NKAP: variants seen among roughly 807,000 people sequenced by gnomAD.
NKAP encodes the protein NF-kappa-B-activating protein.
NKAP carries 4 observed loss-of-function variants against 35.6 expected under a neutral mutation model. The observed-to-expected ratio is 0.11, with a 90% CI of 0.06 to 0.26. The LOEUF is 0.26. NKAP is among the 10% of genes least tolerant of loss of function. The pLI is 1.00. For missense variants in NKAP, 238 were observed against 321.9 expected, an observed-to-expected ratio of 0.74 and a Z score of 1.99; for synonymous variants, 106 against 119.2, an observed-to-expected ratio of 0.89 and a Z score of 0.72.
chrX:119,929,081 G>A (rs142592372), intron 8 of NKAP, among the ~76,000 whole-genome samples: 1 of 109,147 alleles, frequency 9.2e-6, no homozygotes. Context: ...GTTTTTAGTA[G>A]AGAAGGGTTT....
At chrX:119,926,927 G>C (rs1401362020) in intron 8 of NKAP, among the ~76,000 whole-genome samples, 1 of 104,644 alleles carries the variant, frequency 9.6e-6, no homozygotes, top group Non-Finnish European at 2.0e-5. Flanking sequence ...TGGGTGTGGT[G>C]GTGGGCACCC....
At position 119,943,335 on chromosome X, in the gene NKAP, G is replaced by T. The variant is rs1159954039; in HGVS notation, c.271C>A (p.Pro91Thr). ...RERPSAPRGI[P>T]FASASSSVYY... The stretch of plus-strand genomic sequence containing the variant: ...ACTGACGAGGAGGCAGAAGCGAAGG[G>T]GATGCCCCGGGGCGCAGAGGGCCGC... The change falls in exon 1 of 9, where the codon CCC becomes ACC. Residue 91 changes from proline (P) to threonine (T), a missense_variant. This residue lies in a region of NKAP where 123 missense variants were observed against 115.3 expected (regional missense o/e 1.07). Transcript: ENST00000371410. The T allele has an allele frequency of 8.3e-7, 1 of 1,211,053 alleles. No individual in the cohort carries two copies. The highest frequency in any genetic ancestry group is 1.1e-6 in the Non-Finnish European group (1 of 895,376).
At chrX:119,932,306 G>A in intron 5 of NKAP, 90 bp from the exon 6 acceptor site, 1 of 580,545 alleles carries the variant, frequency 1.7e-6, no homozygotes, top group South Asian at 3.3e-5. Context: ...ATTTTGAACT[G>A]GTGACTATAC....
At chrX:119,941,759 G>A (rs897010829) in intron 1 of NKAP, among the ~76,000 whole-genome samples, 3 of 111,344 alleles carry the variant, frequency 2.7e-5, no homozygotes, top group East Asian at 5.6e-4. Context: ...CCCAGTACCT[G>A]AAATTACAAG....
At chrX:119,943,185 G>A (rs1246538646) in intron 1 of NKAP, 35 bp downstream of exon 1, 10 of 1,149,360 alleles carry the variant, frequency 8.7e-6, no homozygotes, top group Non-Finnish European at 1.2e-5. Flanking sequence ...AGGCACGTAG[G>A]CTCGTACAAG....
At chrX:119,930,839 C>CAAAAA (rs10707773) in intron 7 of NKAP, among the ~76,000 whole-genome samples, 1 of 97,402 alleles carries the variant, frequency 1.0e-5, no homozygotes, top group Non-Finnish European at 2.1e-5. Flanking sequence ...CAAAACAAAA[C>CAAAAA]AAAAAAAAAA....
chrX:119,936,443 C>G lies in NKAP; in HGVS notation c.539-12G>C. ...CTTCTTTTTTTCTTCTAAGAAAGTA[C>G]AAATTAAAAAATTATATTCTAAAAA... On this transcript the variant is annotated splice_polypyrimidine_tract_variant and intron_variant, in intron 3 of 8. Transcript: ENST00000371410. The G allele has an allele frequency of 9.1e-7, 1 of 1,099,957 alleles. No individual in the cohort carries two copies. The highest frequency in any genetic ancestry group is 1.2e-6 in the Non-Finnish European group (1 of 822,009). The allele number at this position is 1,099,957 out of a possible 1,213,427, so 90.6% of individuals were successfully genotyped here. A position where few individuals can be genotyped will look rare whatever the true frequency, so the allele number is the denominator to read the frequency against.
Position 119,931,916 on chromosome X carries a change from A to G in NKAP, c.923+20T>C. On this transcript the variant is annotated intron_variant, in intron 7 of 8. Coordinates refer to ENST00000371410, the MANE Select transcript of NKAP (RefSeq NM_024528.4). ...CTTTTTGGTAGGTACTTTAGATATTATAAACACACTGCTGCTTACTTCAAA... is the reference window on the plus strand; with the variant it reads ...CTTTTTGGTAGGTACTTTAGATATTGTAAACACACTGCTGCTTACTTCAAA... 2 of 1,142,189 alleles carry G rather than the reference A, an allele frequency of 1.8e-6. No individual in the cohort carries two copies. The highest frequency in any genetic ancestry group is 2.4e-6 in the Non-Finnish European group (2 of 846,645). The allele number at this position is 1,142,189 out of a possible 1,213,427, so 94.1% of individuals were successfully genotyped here.
chrX:119,924,128 C>T lies in NKAP; in HGVS notation c.*1092G>A, dbSNP rs1348343993. The T allele has an allele frequency of 2.7e-5, 3 of 111,206 alleles. No homozygotes were observed. Among genetic ancestry groups the T allele is most frequent in the Non-Finnish European group, 5.7e-5 (3 of 53,065 alleles). 9.2% of individuals were successfully genotyped at this position (111,206 alleles called of 1,213,427 possible). A position where few individuals can be genotyped will look rare whatever the true frequency, so the allele number is the denominator to read the frequency against. ...AGTACACAAGTCAGTTTTCAAATTC[C>T]AGATTTGCTTTTCGCAGCAATGCCT... On this transcript the variant is annotated 3_prime_UTR_variant, in exon 9 of 9. Transcript: ENST00000371410.
Position 119,943,597 on chromosome X carries a change from C to A in NKAP, c.9G>T (p.Pro3=), listed in dbSNP as rs781742658. The part of the protein sequence containing the change: MA[P]VSGSRSPDRE... ...TATCCGGGCTGCGTGAGCCGGACAC[C>A]GGAGCCATGGCTACTGGGGGGCCCC... The change falls in exon 1 of 9, where the codon CCG becomes CCT. Residue 3 remains proline, a synonymous_variant. Coordinates refer to ENST00000371410, the MANE Select transcript of NKAP (RefSeq NM_024528.4). 8.5e-7 allele frequency: 1 copy of A among 1,177,647 alleles called. No homozygotes were observed. The highest frequency in any genetic ancestry group is 1.1e-6 in the Non-Finnish European group (1 of 877,285).
chrX:119,930,819 AAAAACAAAAC>A (rs1210394209), intron 7 of NKAP, among the ~76,000 whole-genome samples: 8 of 97,743 alleles, frequency 8.2e-5, no homozygotes, highest in Non-Finnish European at 1.4e-4. Context: ...CTTTGTCTCA[AAAAACAAAAC>A]AAAACAAAAC....
At chrX:119,942,980 A>T (rs1012213013) in intron 1 of NKAP, 28 of 375,199 alleles carry the variant, frequency 7.5e-5, no homozygotes, top group Non-Finnish European at 9.1e-6. Flanking sequence ...ATTCGCTAAC[A>T]AGACAGGAGG....
chrX:119,929,226 T>A (rs2056729746), intron 8 of NKAP, among the ~76,000 whole-genome samples: 1 of 112,137 alleles, frequency 8.9e-6, no homozygotes, highest in South Asian at 3.7e-4. Context: ...CTCTAATTTC[T>A]TTTTCTTGCC....
chrX:119,928,385 CT>C (rs1177168209), intron 8 of NKAP, among the ~76,000 whole-genome samples: 1 of 111,963 alleles, frequency 8.9e-6, no homozygotes, highest in Non-Finnish European at 1.9e-5. Flanking sequence ...ATGTTTTCTT[CT>C]TATTTAGTTA....
At chrX:119,928,907 A>G (rs1375172751) in intron 8 of NKAP, among the ~76,000 whole-genome samples, 4 of 107,011 alleles carry the variant, frequency 3.7e-5, no homozygotes, top group Admixed American at 2.0e-4. Context: ...TATTATTATT[A>G]TTACTGTTTT....
chrX:119,936,730 T>C (rs1603380501), intron 2 of NKAP, 48 bp from the exon 3 acceptor site: 1 of 974,675 alleles, frequency 1.0e-6, no homozygotes, highest in Non-Finnish European at 1.4e-6. Flanking sequence ...TGATGAGATA[T>C]GGACCATGGA....
At chrX:119,925,933 T>C (rs5957273) in intron 8 of NKAP, among the ~76,000 whole-genome samples, 4 of 78,502 alleles carry the variant, frequency 5.1e-5, no homozygotes, top group Admixed American at 1.4e-4. Context: ...TTTTTTCTTT[T>C]TTTTTTTTTT....
chrX:119,943,702 G>C lies in NKAP; in HGVS notation c.-97C>G. On this transcript the variant is annotated 5_prime_UTR_variant, in exon 1 of 9. Coordinates refer to ENST00000371410, the MANE Select transcript of NKAP (RefSeq NM_024528.4). ...TTGGTTCCCGGGACCTGCCGCTGCGGAACAGCCCAAATCTGAGGAAACCTT... is the reference window on the plus strand; with the variant it reads ...TTGGTTCCCGGGACCTGCCGCTGCGCAACAGCCCAAATCTGAGGAAACCTT... The C allele has an allele frequency of 1.0e-6, 1 of 977,673 alleles. No individual in the cohort carries two copies. The highest frequency in any genetic ancestry group is 1.4e-6 in the Non-Finnish European group (1 of 735,788). 80.6% of individuals were successfully genotyped at this position (977,673 alleles called of 1,213,427 possible).
chrX:119,935,219 G>A (rs2056761151), intron 4 of NKAP, among the ~76,000 whole-genome samples: 1 of 111,131 alleles, frequency 9.0e-6, no homozygotes, highest in Admixed American at 9.7e-5. Context: ...TGGTTGATCA[G>A]GAAAGGTGAC....
Sources: gnomAD v4.1 joint callset for allele counts (sites outside exome capture counted in the v4.1 genomes callset) on GRCh38, gnomAD v4.1.1 for gene constraint, gnomAD v4.1.1 regional missense constraint, MANE v1.5 for transcripts, NCBI Gene and HGNC (gene_info 2026-07-23, HGNC 2026-07-21) for gene names.